The following PLEKHG1 variants were observed in gnomAD, a reference collection of about 807,000 sequenced individuals.
PLEKHG1 encodes pleckstrin homology domain-containing family G member 1.
PLEKHG1 carries 44 observed loss-of-function variants against 100.8 expected under a neutral mutation model. The observed-to-expected ratio is 0.44, with a 90% CI of 0.34 to 0.56. The LOEUF (loss-of-function observed/expected upper bound fraction) is 0.56, where lower values mean the gene tolerates loss of function less well. PLEKHG1 is among the 20% of genes least tolerant of loss of function. The probability of loss-of-function intolerance (pLI) is 0.01; values close to 1 mark genes in which losing one functional copy is unlikely to be tolerated. For synonymous variants in PLEKHG1, 640 were observed against 662.5 expected (o/e 0.97, Z 0.52); for missense variants, 1,545 against 1,720.9 (o/e 0.90, Z 1.81).
chr6:150,788,760 T>C (rs1365838300), intron 4 of PLEKHG1, among the ~76,000 whole-genome samples: 2 of 152,186 alleles, frequency 1.3e-5, no homozygotes, highest in Non-Finnish European at 2.9e-5. Context: ...AGTCTGTCTT[T>C]AGAGCCTCAA....
chr6:150,785,296 T>C (rs1262172414), intron 3 of PLEKHG1, among the ~76,000 whole-genome samples: 1 of 152,214 alleles, frequency 6.6e-6, no homozygotes, highest in Non-Finnish European at 1.5e-5. Flanking sequence ...ACTACTTCAC[T>C]TTTTATTAAA....
chr6:150,749,538 T>G (rs1783377173), intron 2 of PLEKHG1, among the ~76,000 whole-genome samples: 1 of 152,128 alleles, frequency 6.6e-6, no homozygotes, highest in Admixed American at 6.5e-5. Flanking sequence ...GGTGAGAAAT[T>G]GGCACCCGCT....
chr6:150,628,234 A>T lies in PLEKHG1; in HGVS notation c.-203-9846A>T, dbSNP rs1562393076. ...CAATGATTTAAGCATGTGAACTCCC[A>T]CTTCCAGAGCTTTGAAATGTTATAT... is the stretch of plus-strand genomic sequence containing the variant. On this transcript the variant is annotated intron_variant, in intron 1 of 3. Transcript: ENST00000367326. 2.6e-5 allele frequency among the ~76,000 whole-genome samples: 4 copies of T among 152,260 alleles called. No individual in the cohort carries two copies. The South Asian group carries it at 8.3e-4, about 32-fold the overall frequency.
intron 2 of PLEKHG1, among the ~76,000 whole-genome samples, chr6:150,736,774 A>C (rs1434228029): frequency 6.6e-6 from 1 of 152,104 alleles, no homozygotes; most frequent in Non-Finnish European, 1.5e-5. Context: ...ATCTTTAAAA[A>C]ACAAAAACAA....
chr6:150,752,830 G>T (rs1018445216), intron 2 of PLEKHG1, among the ~76,000 whole-genome samples: 4 of 152,152 alleles, frequency 2.6e-5, no homozygotes, highest in Non-Finnish European at 1.5e-5. Flanking sequence ...CTTTATTTTA[G>T]TCGTGGTACA....
At chr6:150,641,876 CA>C (rs71554473) in intron 2 of PLEKHG1, among the ~76,000 whole-genome samples, 6,803 of 76,826 alleles carry the variant, frequency 0.089, 66 homozygotes, top group African/African-American at 0.11. Context: ...TGTGAAAAGG[CA>C]AAAAAAAAAA....
rs1171506751 is a variant in PLEKHG1 at position 150,683,855 on chromosome 6, G to A, written c.-99+33069G>A. On this transcript the variant is annotated intron_variant, in intron 3 of 3. Coordinates refer to the PLEKHG1 transcript ENST00000367326. The surrounding 1 kb of genome is among the most constrained non-coding windows in gnomAD (Gnocchi z 4.0). Reference sequence around the variant, plus strand: ...AAAGCATCACAGGCGAGTGAAATATGGGAATATTGAAGGGGCCTGGGATGG... The same window carrying A: ...AAAGCATCACAGGCGAGTGAAATATAGGAATATTGAAGGGGCCTGGGATGG... 2 of 1,279,912 alleles carry A rather than the reference G, an allele frequency of 1.6e-6. No homozygotes were observed. The highest frequency in any genetic ancestry group is 2.0e-6 in the Non-Finnish European group (2 of 982,050). The allele number at this position is 1,279,912 out of a possible 1,614,324, so 79.3% of individuals were successfully genotyped here. A position where few individuals can be genotyped will look rare whatever the true frequency, so the allele number is the denominator to read the frequency against.
chr6:150,755,228 G>A (rs1185817589), intron 2 of PLEKHG1, among the ~76,000 whole-genome samples: 2 of 151,734 alleles, frequency 1.3e-5, no homozygotes, highest in Admixed American at 6.6e-5. Flanking sequence ...CTTCCGCCTA[G>A]GCCTCCCAAA....
chr6:150,744,365 C>T (rs896737723), intron 2 of PLEKHG1, among the ~76,000 whole-genome samples: 6 of 152,158 alleles, frequency 3.9e-5, no homozygotes, highest in East Asian at 1.9e-4. Flanking sequence ...TGAGCCACCG[C>T]GCCTGGCCCC....
chr6:150,747,251 C>G (rs1783213151), intron 2 of PLEKHG1, among the ~76,000 whole-genome samples: 1 of 152,122 alleles, frequency 6.6e-6, no homozygotes, highest in Non-Finnish European at 1.5e-5. Flanking sequence ...GAGAAGTTTC[C>G]CATGGCCAGA....
At chr6:150,823,659 G>A in exon 14 of PLEKHG1, 4 of 1,609,376 alleles carry the variant, frequency 2.5e-6, no homozygotes, top group Non-Finnish European at 3.4e-6. Context: ...TTCAGAAACA[G>A]CACAAGACAT....
At chr6:150,775,326 G>A (rs549185987) in intron 3 of PLEKHG1, among the ~76,000 whole-genome samples, 2 of 152,312 alleles carry the variant, frequency 1.3e-5, no homozygotes, top group Admixed American at 1.3e-4. Context: ...AGAATGAAGA[G>A]TGAGGAAATA....
chr6:150,798,131 G>C (rs1282350287), intron 5 of PLEKHG1, among the ~76,000 whole-genome samples: 3 of 152,018 alleles, frequency 2.0e-5, no homozygotes, highest in Non-Finnish European at 2.9e-5. Flanking sequence ...ATTGCAGGAT[G>C]CCCCAGCTAA....
chr6:150,689,545 T>A (rs1780264274), intron 3 of PLEKHG1, among the ~76,000 whole-genome samples: 1 of 152,234 alleles, frequency 6.6e-6, no homozygotes, highest in Admixed American at 6.5e-5. Context: ...GGATGATTCT[T>A]AAGGTTTTAC....
At chr6:150,607,463 A>G (rs1582798632) in intron 1 of PLEKHG1, among the ~76,000 whole-genome samples, 2 of 152,226 alleles carry the variant, frequency 1.3e-5, no homozygotes, top group South Asian at 4.1e-4. Context: ...GTAACCTGCT[A>G]TTAGTTTAAG....
chr6:150,806,740 A>C (rs1787133229), intron 7 of PLEKHG1, among the ~76,000 whole-genome samples: 1 of 150,210 alleles, frequency 6.7e-6, no homozygotes, highest in South Asian at 2.1e-4. Flanking sequence ...AGGTGGGAGA[A>C]TCACTGGAAC....
rs537185404 is a variant in PLEKHG1, at chr6:150,734,029, A to G, written c.348A>G (p.Arg116=). Residue 116 remains arginine (R), a synonymous_variant, in exon 2 of 16, where the codon AGA becomes AGG. Coordinates refer to ENST00000358517, the Ensembl canonical transcript of PLEKHG1. Reference sequence around the variant, plus strand: ...GCCCCAAGCTCCTCTATGTGGATAGAGTTGTTCAGGAAATTCTGGAAACCG... The same window carrying G: ...GCCCCAAGCTCCTCTATGTGGATAGGGTTGTTCAGGAAATTCTGGAAACCG... 3.0e-5 allele frequency: 49 copies of G among 1,614,194 alleles called. No homozygotes were observed. The Admixed American group carries it at 3.5e-4, about 12-fold the overall frequency.
At chr6:150,671,980 G>A (rs540100253) in intron 3 of PLEKHG1, among the ~76,000 whole-genome samples, 3 of 152,260 alleles carry the variant, frequency 2.0e-5, no homozygotes, top group Non-Finnish European at 4.4e-5. Context: ...GCTTTCTAAA[G>A]ATTCACTAGC....
chr6:150,704,861 G>A (rs576548832), intron 3 of PLEKHG1, among the ~76,000 whole-genome samples: 20 of 152,200 alleles, frequency 1.3e-4, no homozygotes. Context: ...GCTTACAGAC[G>A]GCTGCCTTCT....
Sources: allele counts gnomAD v4.1 joint callset (sites outside exome capture counted in the v4.1 genomes callset), GRCh38; gene constraint gnomAD v4.1.1; non-coding constraint Gnocchi (gnomAD v3.1); transcripts MANE v1.5; gene names NCBI Gene and HGNC (gene_info 2026-07-23, HGNC 2026-07-21).